The following LMTK2 variants were observed in gnomAD, a reference collection of about 807,000 sequenced individuals.
LMTK2 encodes the protein serine/threonine-protein kinase LMTK2.
LMTK2 carries 37 observed loss-of-function variants against 127.5 expected under a neutral mutation model. That is an observed-to-expected ratio of 0.29 (90% CI 0.22 to 0.38). The LOEUF is 0.38. Among genes scored for constraint, LMTK2 ranks in the 10% least tolerant of loss-of-function variants. The pLI is 1.00. For synonymous variants in LMTK2, 819 were observed against 810.1 expected (o/e 1.01, Z -0.19); for missense variants, 1,694 against 1,920.3 (o/e 0.88, Z 2.20).
chr7:98,184,292 A>G (rs888686496), intron 7 of LMTK2, among the ~76,000 whole-genome samples: 2 of 152,136 alleles, frequency 1.3e-5, no homozygotes, highest in Non-Finnish European at 2.9e-5. Flanking sequence ...GTCTTTGAGA[A>G]GAGGATAACA....
chr7:98,181,845 G>T (rs756242814), intron 7 of LMTK2, among the ~76,000 whole-genome samples: 21 of 152,072 alleles, frequency 1.4e-4, no homozygotes, highest in Non-Finnish European at 2.5e-4. Flanking sequence ...TTTTAGTAGA[G>T]ATTGGGTTTC....
intron 2 of LMTK2, among the ~76,000 whole-genome samples, chr7:98,140,122 C>G (rs199859431): frequency 0.43 from 16,024 of 37,528 alleles, 3,514 homozygotes; most frequent in Middle Eastern, 0.5. Context: ...TTCTTTCTTT[C>G]TTTCTTTCTT....
At chr7:98,167,379 G>A (rs964742026) in intron 6 of LMTK2, among the ~76,000 whole-genome samples, 5 of 152,170 alleles carry the variant, frequency 3.3e-5, no homozygotes, top group Non-Finnish European at 5.9e-5. Context: ...AGGCTATCAC[G>A]GTTGGATTTA....
In LMTK2 at chr7:98,192,314, A is replaced by C. The variant is rs1373936688; in HGVS notation, c.1849A>C (p.Ser617Arg). 1 of 1,553,948 alleles carries C rather than the reference A, an allele frequency of 6.4e-7. No homozygotes were observed. The highest frequency in any genetic ancestry group is 8.6e-7 in the Non-Finnish European group (1 of 1,156,480). ...AAGCAGTACAGACCCCAAAGACTCT[A>C]GCTTACCAGGGGACTTACACGTGAC... ...FQSSTDPKDSSLPGDLHVTSG... is the reference protein window; with the variant it reads ...FQSSTDPKDSRLPGDLHVTSG... The change falls in exon 11 of 14, where the codon AGC becomes CGC. Residue 617 changes from serine (S) to arginine (R), a missense_variant. Transcript: ENST00000297293.
chr7:98,173,808 G>A (rs558499034), intron 7 of LMTK2, among the ~76,000 whole-genome samples: 8 of 152,246 alleles, frequency 5.3e-5, no homozygotes, highest in Non-Finnish European at 7.4e-5. Context: ...TGTAATCCCC[G>A]CACTTTGGGA....
At chr7:98,118,284 G>A (rs1010264989) in intron 1 of LMTK2, among the ~76,000 whole-genome samples, 2 of 152,176 alleles carry the variant, frequency 1.3e-5, no homozygotes, top group African/African-American at 4.8e-5. Flanking sequence ...ATGAAAAATA[G>A]ATTCGATTTA....
intron 3 of LMTK2, among the ~76,000 whole-genome samples, chr7:98,144,211 A>G (rs1275887571): frequency 2.0e-5 from 3 of 152,112 alleles, no homozygotes; most frequent in African/African-American, 4.8e-5. Context: ...CAGGTGGATC[A>G]TGACGTCAGG....
At position 98,107,059 on chromosome 7, in the gene LMTK2, G is replaced by C. The variant is rs1796116103; in HGVS notation, c.-119G>C. On this transcript the variant is annotated 5_prime_UTR_variant, in exon 1 of 14. Transcript: ENST00000297293. ...TTTGGCAGAAGCAACGTGTGCTCGG[G>C]AGCAACCGGCGCGGGTGCCACTGAG... The C allele has an allele frequency of 1.4e-6, 1 of 725,164 alleles. No individual in the cohort carries two copies. The highest frequency in any genetic ancestry group is 2.0e-6 in the Non-Finnish European group (1 of 492,334). The allele number at this position is 725,164 out of a possible 1,614,324, so 44.9% of individuals were successfully genotyped here.
At chr7:98,185,265 C>A in intron 8 of LMTK2, 130 bp downstream of exon 8, 1 of 641,334 alleles carries the variant, frequency 1.6e-6, no homozygotes, top group Non-Finnish European at 2.8e-6. Context: ...TTGCAGCAGT[C>A]ATTTTAATGT....
chr7:98,191,709 A>G lies in LMTK2; in HGVS notation c.1244A>G (p.Gln415Arg). 1 of 1,614,222 alleles carries G rather than the reference A, an allele frequency of 6.2e-7. No individual in the cohort carries two copies. Among genetic ancestry groups the G allele is most frequent in the Non-Finnish European group, 8.5e-7 (1 of 1,180,040 alleles). ...RLLTYLRLQS[Q>R]RDSEVDFEQQ... ...CTGACTTACCTGCGGCTGCAGAGCC[A>G]GCGGGACTCAGAGGTCGACTTTGAA... Residue 415 changes from glutamine (Q) to arginine (R), a missense_variant, in exon 11 of 14, where the codon CAG becomes CGG. Coordinates refer to ENST00000297293, the MANE Select transcript of LMTK2 (RefSeq NM_014916.4).
chr7:98,123,895 A>T (rs1796406171), intron 1 of LMTK2, among the ~76,000 whole-genome samples: 1 of 151,964 alleles, frequency 6.6e-6, no homozygotes, highest in Non-Finnish European at 1.5e-5. Flanking sequence ...TGCTATGTGC[A>T]AGTATTTTTT....
rs768149074 is a variant in LMTK2, at chr7:98,203,994, A to C, written c.4291A>C (p.Lys1431Gln). 4 of 1,614,162 alleles carry C rather than the reference A, an allele frequency of 2.5e-6. No individual in the cohort carries two copies. The highest frequency in any genetic ancestry group is 3.4e-6 in the Non-Finnish European group (4 of 1,180,008). Residue 1431 changes from lysine to glutamine, a missense_variant, in exon 13 of 14, where the codon AAG becomes CAG. This residue lies in a region of LMTK2 where 554 missense variants were observed against 567.7 expected (regional missense o/e 0.98). Coordinates refer to ENST00000297293, the MANE Select transcript of LMTK2 (RefSeq NM_014916.4). ...CTTCTCCCCAGATCCTTTTATGTCA[A>C]AGACAACAAGTAACCTGCTCAGCTC... ...DDFSPDPFMSKTTSNLLSSKP... is the reference protein window; with the variant it reads ...DDFSPDPFMSQTTSNLLSSKP...
chr7:98,196,248 C>T (rs1358867189), intron 11 of LMTK2, among the ~76,000 whole-genome samples: 6 of 151,520 alleles, frequency 4.0e-5, no homozygotes, highest in Non-Finnish European at 5.9e-5. Flanking sequence ...CCTGATTCTG[C>T]GAGGGGCCAG....
intron 11 of LMTK2, among the ~76,000 whole-genome samples, chr7:98,200,373 G>A (rs1002457237): frequency 6.6e-6 from 1 of 152,204 alleles, no homozygotes; most frequent in Non-Finnish European, 1.5e-5. Context: ...GTATTATACA[G>A]TTGGCCCTGG....
chr7:98,187,617 TTG>T lies in LMTK2; in HGVS notation c.998+621_998+622del, dbSNP rs1174685162. ...GTTTTTGTTGTTGTTGTTGTTGTTG[TTG>T]TTTTGAGATAGAGTCTCACTGTCGC... On this transcript the variant is annotated intron_variant, in intron 9 of 13. Transcript: ENST00000297293. 3.9e-4 allele frequency among the ~76,000 whole-genome samples: 60 copies of T among 151,990 alleles called. 1 individual carries two copies. Among genetic ancestry groups the T allele is most frequent in the African/African-American group, 1.1e-3 (46 of 41,398 alleles).
intron 4 of LMTK2, among the ~76,000 whole-genome samples, chr7:98,151,919 G>A (rs1443786564): frequency 6.6e-6 from 1 of 152,030 alleles, no homozygotes; most frequent in Non-Finnish European, 1.5e-5. Flanking sequence ...TGGTCATTAG[G>A]TTTCAGTTTA....
At chr7:98,205,368 C>G in intron 13 of LMTK2, 96 bp from the exon 14 acceptor site, 1 of 1,462,460 alleles carries the variant, frequency 6.8e-7, no homozygotes, top group South Asian at 1.1e-5. Flanking sequence ...CACCCGCTTC[C>G]GTTCCTGTGG....
chr7:98,141,118 A>C (rs2116368565), intron 2 of LMTK2, among the ~76,000 whole-genome samples: 1 of 152,210 alleles, frequency 6.6e-6, no homozygotes, highest in Admixed American at 6.5e-5. Flanking sequence ...TTTGAGAGTA[A>C]ATTTTTAAGC....
rs577209273 is a variant in LMTK2, at chr7:98,197,729, C to T, written c.4107+3157C>T. ...TGGTGGCCCGCACCTATAGTCTCAC[C>T]TGCTCAGGAGGCTGAGGCAGGAGGA... is the stretch of plus-strand genomic sequence containing the variant. On this transcript the variant is annotated intron_variant, in intron 11 of 13. Transcript: ENST00000297293. 3.9e-5 allele frequency among the ~76,000 whole-genome samples: 6 copies of T among 152,266 alleles called. No homozygotes were observed. In the East Asian group the frequency reaches 1.2e-3, roughly 29 times the overall value.
Sources: gnomAD v4.1 joint callset for allele counts (sites outside exome capture counted in the v4.1 genomes callset) on GRCh38, gnomAD v4.1.1 for gene constraint, gnomAD v4.1.1 regional missense constraint, MANE v1.5 for transcripts, NCBI Gene and HGNC (gene_info 2026-07-23, HGNC 2026-07-21) for gene names.